The following SKOR2 variants were observed in gnomAD, a reference collection of about 807,000 sequenced individuals.
SKOR2 encodes LBX1 corepressor 1-like protein.
In SKOR2, 47 loss-of-function variants were observed where a neutral mutation model predicts 69.1. That is an observed-to-expected ratio of 0.68 (90% CI 0.54 to 0.87). The LOEUF (loss-of-function observed/expected upper bound fraction) is 0.87, where lower values mean the gene tolerates loss of function less well. SKOR2 is among the 40% of genes least tolerant of loss of function. The probability of loss-of-function intolerance (pLI) is 0.00; values close to 1 mark genes in which losing one functional copy is unlikely to be tolerated. For synonymous variants in SKOR2, 717 were observed against 672.6 expected, an observed-to-expected ratio of 1.07 and a Z score of -1.02; for missense variants, 1,404 against 1,472.2, an observed-to-expected ratio of 0.95 and a Z score of 0.76.
chr18:47,244,142 A>T (rs913365178), intron 4 of SKOR2, among the ~76,000 whole-genome samples: 5 of 152,222 alleles, frequency 3.3e-5, no homozygotes, highest in African/African-American at 1.2e-4. Flanking sequence ...AGATTCCTTT[A>T]AGATCCTATT....
rs1207250084 is a variant in SKOR2 at position 47,248,420 on chromosome 18, G to C, written c.764C>G (p.Pro255Arg). ...PQPGAHPACHPLSSVKAAAVA... is the reference protein window; with the variant it reads ...PQPGAHPACHRLSSVKAAAVA... ...GGCGGCCGCCTTCACAGAGCTGAGC[G>C]GGTGGCAGGCGGGGTGCGCGCCCGG... The change falls in exon 2 of 9, where the codon CCG becomes CGG. Residue 255 changes from proline to arginine, a missense_variant. Pro to Arg is a moderately radical substitution (Grantham distance 103). Coordinates refer to ENST00000425639, the MANE Select transcript of SKOR2 (RefSeq NM_001278063.4). This position sits in a 1 kb window ranked among gnomAD's most constrained non-coding sequence, Gnocchi z 6.4. 3 of 1,529,912 alleles carry C rather than the reference G, an allele frequency of 2.0e-6. No individual in the cohort carries two copies. Among genetic ancestry groups the C allele is most frequent in the Non-Finnish European group, 2.6e-6 (3 of 1,143,338 alleles). 94.8% of individuals were successfully genotyped at this position (1,529,912 alleles called of 1,614,324 possible). A position where few individuals can be genotyped will look rare whatever the true frequency, so the allele number is the denominator to read the frequency against.
chr18:47,242,161 G>A (rs2064251973), intron 4 of SKOR2, among the ~76,000 whole-genome samples: 1 of 152,022 alleles, frequency 6.6e-6, no homozygotes, highest in Non-Finnish European at 1.5e-5. Flanking sequence ...AGGTCAATAA[G>A]CATGGGGAAA....
chr18:47,213,968 C>G (rs1475241573), intron 7 of SKOR2, among the ~76,000 whole-genome samples: 1 of 152,144 alleles, frequency 6.6e-6, no homozygotes, highest in African/African-American at 2.4e-5. Flanking sequence ...ATGACAGAGC[C>G]TGGAATGGAA....
rs2064281155 is a variant in SKOR2 at position 47,247,173 on chromosome 18, G to GC, written c.2010dup (p.Gln671AlafsTer94). 1 of 1,298,626 alleles carries GC rather than the reference G, an allele frequency of 7.7e-7. No homozygotes were observed. The highest frequency in any genetic ancestry group is 3.5e-5 in the Admixed American group (1 of 28,202). The allele number at this position is 1,298,626 out of a possible 1,614,324, so 80.4% of individuals were successfully genotyped here. ...AGCAGCAGAAGCGGCGACGGCGGCT[G>GC]CGGGGGGTGGTGGTGGTGGTGGTGG... On this transcript the variant is annotated frameshift_variant, in exon 2 of 9. Transcript: ENST00000425639. LOFTEE classifies it high-confidence loss of function. This position sits in a 1 kb window ranked among gnomAD's most constrained non-coding sequence, Gnocchi z 6.6.
rs1488876647 is a variant in SKOR2 at position 47,247,423 on chromosome 18, G to A, written c.1761C>T (p.Ala587=). The A allele has an allele frequency of 3.9e-6, 5 of 1,294,526 alleles. No individual in the cohort carries two copies. Among genetic ancestry groups the A allele is most frequent in the South Asian group, 4.5e-5 (2 of 44,650 alleles). The allele number at this position is 1,294,526 out of a possible 1,614,324, so 80.2% of individuals were successfully genotyped here. A position where few individuals can be genotyped will look rare whatever the true frequency, so the allele number is the denominator to read the frequency against. The change falls in exon 2 of 9, where the codon GCC becomes GCT. Residue 587 remains alanine, a synonymous_variant. Transcript: ENST00000425639. This position sits in a 1 kb window ranked among gnomAD's most constrained non-coding sequence, Gnocchi z 6.6. ...ADSVAAAGAG[A]AAAGSGPAGS... is the part of the protein sequence containing the mutation. ...CCGCGGGGCCAGACCCGGCGGCCGC[G>A]GCCCCTGCCCCGGCAGCTGCCACAG...
rs550641540 is a variant in SKOR2 at position 47,210,069 on chromosome 18, C to T, written c.*3+2017G>A. On this transcript the variant is annotated intron_variant, in intron 8 of 8. Transcript: ENST00000425639. ...CTCCAGTCTGGGTAGAAGAGTGAGA[C>T]CCTGTCTCAAAACAAAACAACAAAA... Among the ~76,000 whole-genome samples, 105 of 152,234 alleles carry T rather than the reference C, an allele frequency of 6.9e-4. 1 individual carries two copies. Among genetic ancestry groups the T allele is most frequent in the African/African-American group, 2.5e-3 (102 of 41,538 alleles).
In SKOR2 at chr18:47,232,078, G is replaced by C. The variant is rs1017319469; in HGVS notation, c.2753-1078C>G. Among the ~76,000 whole-genome samples, 8 of 152,006 alleles carry C rather than the reference G, an allele frequency of 5.3e-5. 1 individual carries two copies. The highest frequency in any genetic ancestry group is 4.4e-5 in the Non-Finnish European group (3 of 68,014). ...CACTTGAGCCCAGGAGATTGAGGCT[G>C]TAGTGAGCTGTGATTGCACTACTGC... On this transcript the variant is annotated intron_variant, in intron 4 of 8. Coordinates refer to ENST00000425639, the MANE Select transcript of SKOR2 (RefSeq NM_001278063.4).
chr18:47,207,718 G>A (rs2064117090), intron 8 of SKOR2, among the ~76,000 whole-genome samples: 1 of 152,122 alleles, frequency 6.6e-6, no homozygotes, highest in African/African-American at 2.4e-5. Flanking sequence ...GACACAGAAT[G>A]TTCCTTTAAA....
rs1163813276 is a variant in SKOR2, at chr18:47,247,271, T to G, written c.1913A>C (p.Lys638Thr). 1 of 1,481,486 alleles carries G rather than the reference T, an allele frequency of 6.7e-7. No homozygotes were observed. Among genetic ancestry groups the G allele is most frequent in the East Asian group, 2.9e-5 (1 of 33,932 alleles). 91.8% of individuals were successfully genotyped at this position (1,481,486 alleles called of 1,614,324 possible). ...CGCGCCCGCCGACGCCCCGTGCAGC[T>G]TGGCCAGGCTCTCCGCGTCGTCCTT... Reference protein sequence around the residue: ...GGKDDAESLAKLHGASAGAPH... With the variant: ...GGKDDAESLATLHGASAGAPH... Residue 638 changes from lysine to threonine, a missense_variant, in exon 2 of 9, where the codon AAG (lysine) becomes ACG (threonine). Transcript: ENST00000425639. The surrounding 1 kb of genome is among the most constrained non-coding windows in gnomAD (Gnocchi z 6.6).
At chr18:47,226,589 A>G (rs953810947) in intron 6 of SKOR2, among the ~76,000 whole-genome samples, 1 of 152,152 alleles carries the variant, frequency 6.6e-6, no homozygotes, top group African/African-American at 2.4e-5. Context: ...ATTGTTTAGT[A>G]TTAAAACAAG....
chr18:47,221,552 C>T (rs180804909), intron 6 of SKOR2, among the ~76,000 whole-genome samples: 30 of 152,334 alleles, frequency 2.0e-4, no homozygotes, highest in Non-Finnish European at 1.5e-5. Context: ...TGTGCCTTTG[C>T]CCCTGCTGTG....
At chr18:47,240,095 C>T (rs2064242429) in intron 4 of SKOR2, among the ~76,000 whole-genome samples, 1 of 151,992 alleles carries the variant, frequency 6.6e-6, no homozygotes, top group African/African-American at 2.4e-5. Flanking sequence ...GAAATCTGTC[C>T]ATAGCATATT....
intron 7 of SKOR2, among the ~76,000 whole-genome samples, chr18:47,213,191 A>C (rs2064133163): frequency 6.6e-6 from 1 of 151,930 alleles, no homozygotes; most frequent in Non-Finnish European, 1.5e-5. Context: ...AAGGTGCTCT[A>C]TCCTTATGTT....
At chr18:47,239,317 G>A (rs951818841) in intron 4 of SKOR2, among the ~76,000 whole-genome samples, 1 of 151,932 alleles carries the variant, frequency 6.6e-6, no homozygotes, top group African/African-American at 2.4e-5. Flanking sequence ...TGTGATGTTT[G>A]GCACTTCAGT....
intron 4 of SKOR2, among the ~76,000 whole-genome samples, chr18:47,235,246 G>A (rs1257473619): frequency 6.6e-6 from 1 of 152,102 alleles, no homozygotes; most frequent in South Asian, 2.1e-4. Context: ...TTCTAGTTCC[G>A]GCTAATCTGA....
intron 4 of SKOR2, among the ~76,000 whole-genome samples, chr18:47,240,290 C>T (rs890026968): frequency 1.2e-4 from 19 of 152,182 alleles, no homozygotes; most frequent in South Asian, 1.0e-3. Context: ...AGCTGTCTTA[C>T]CAGCTTACCC....
Position 47,247,076 on chromosome 18 carries a change from G to T in SKOR2, c.2108C>A (p.Pro703Gln). 1 of 1,384,400 alleles carries T rather than the reference G, an allele frequency of 7.2e-7. No individual in the cohort carries two copies. The highest frequency in any genetic ancestry group is 1.7e-5 in the South Asian group (1 of 59,524). The allele number at this position is 1,384,400 out of a possible 1,614,324, so 85.8% of individuals were successfully genotyped here. A position where few individuals can be genotyped will look rare whatever the true frequency, so the allele number is the denominator to read the frequency against. Residue 703 changes from proline (P) to glutamine (Q), a missense_variant, in exon 2 of 9, where the codon CCG (proline) becomes CAG (glutamine). Physicochemically the swap from Pro to Gln is moderately conservative, Grantham distance 76. Around this residue, in one of 3 missense-constraint regions of SKOR2, gnomAD observed 1,266 missense variants for 1,309.9 expected, o/e 0.97. Coordinates refer to ENST00000425639, the MANE Select transcript of SKOR2 (RefSeq NM_001278063.4). This position sits in a 1 kb window ranked among gnomAD's most constrained non-coding sequence, Gnocchi z 6.6. ...CGGGTGCTGGGCCAGAGGGGGCGGCGGGGGCGGCGGCGGCGGCGGCGGCGG... is the reference window on the plus strand; with the variant it reads ...CGGGTGCTGGGCCAGAGGGGGCGGCTGGGGCGGCGGCGGCGGCGGCGGCGG... ...PAPPPPPPPP[P>Q]PPPLAQHPHH...
chr18:47,245,498 C>CTTTTTTTTTTTTTTTTTT lies in SKOR2; in HGVS notation c.2676_2677insAAAAAAAAAAAAAAAAAA (p.Ser892_Asp893insLysLysLysLysLysLys), dbSNP rs2064268688. ...AGCTGATTTTTTTTTTTTTTTTTACCTGAAAAGCTGTTGTCATCCTTTGTA... is the reference window on the plus strand; with the variant it reads ...AGCTGATTTTTTTTTTTTTTTTTACCTTTTTTTTTTTTTTTTTTTGAAAAGCTGTTGTCATCCTTTGTA... On this transcript the variant is annotated inframe_insertion and splice_region_variant, in exon 3 of 9. Coordinates refer to ENST00000425639, the MANE Select transcript of SKOR2 (RefSeq NM_001278063.4). The CTTTTTTTTTTTTTTTTTT allele has an allele frequency of 4.1e-6, 3 of 734,284 alleles. No homozygotes were observed. The African/African-American group carries it at 1.8e-4, about 45-fold the overall frequency. The allele number at this position is 734,284 out of a possible 1,614,324, so 45.5% of individuals were successfully genotyped here.
Position 47,247,771 on chromosome 18 carries a change from C to A in SKOR2, c.1413G>T (p.Trp471Cys). Residue 471 changes from tryptophan to cysteine, a missense_variant, in exon 2 of 9, where the codon TGG (tryptophan) becomes TGT (cysteine). Coordinates refer to ENST00000425639, the MANE Select transcript of SKOR2 (RefSeq NM_001278063.4). The surrounding 1 kb of genome is among the most constrained non-coding windows in gnomAD (Gnocchi z 6.6). ...GGAGCCCGCCAGGGGTCCGCGGCGG[C>A]CAGAACATGCAGAAGGGCGGATAGA... is the stretch of plus-strand genomic sequence containing the variant. ...DAFYPPFCMF[W>C]PPRTPGGLPV... 3 of 1,387,224 alleles carry A rather than the reference C, an allele frequency of 2.2e-6. No individual in the cohort carries two copies. 85.9% of individuals were successfully genotyped at this position (1,387,224 alleles called of 1,614,324 possible). A position where few individuals can be genotyped will look rare whatever the true frequency, so the allele number is the denominator to read the frequency against.
Sources: allele counts gnomAD v4.1 joint callset (sites outside exome capture counted in the v4.1 genomes callset), GRCh38; gene constraint gnomAD v4.1.1; regional missense constraint gnomAD v4.1.1; non-coding constraint Gnocchi (gnomAD v3.1); transcripts MANE v1.5; gene names NCBI Gene and HGNC (gene_info 2026-07-23, HGNC 2026-07-21).